The following ANO3 variants were observed in gnomAD, a reference collection of about 807,000 sequenced individuals.
ANO3 encodes the protein anoctamin 3.
Under a neutral mutation model 144.8 loss-of-function variants are expected in ANO3, and 99 were observed. The observed-to-expected ratio is 0.68, with a 90% confidence interval of 0.58 to 0.81. The LOEUF (loss-of-function observed/expected upper bound fraction) is 0.81, where lower values mean the gene tolerates loss of function less well. Ranked by LOEUF, ANO3 falls within the 30% of genes least tolerant of loss-of-function variation. ANO3 has a pLI of 0.00. For synonymous variants in ANO3, 414 were observed against 392.6 expected (o/e 1.05, Z -0.64); for missense variants, 905 against 1,202.2 (o/e 0.75, Z 3.66).
At chr11:26,613,830 G>A (rs1241306961) in intron 17 of ANO3, among the ~76,000 whole-genome samples, 1 of 152,220 alleles carries the variant, frequency 6.6e-6, no homozygotes. Context: ...TGGGGCTGGG[G>A]CAGCGGGCTG....
At chr11:26,278,925 T>A (rs1853617846) in intron 1 of ANO3, among the ~76,000 whole-genome samples, 1 of 152,126 alleles carries the variant, frequency 6.6e-6, no homozygotes, top group South Asian at 2.1e-4. Context: ...GATTCTTTTA[T>A]AATAGAAGTT....
chr11:26,625,992 C>T (rs2133014493), intron 18 of ANO3, among the ~76,000 whole-genome samples: 1 of 152,260 alleles, frequency 6.6e-6, no homozygotes, highest in Admixed American at 6.5e-5. Context: ...GTATGAAACC[C>T]TATGTTAGAA....
intron 1 of ANO3, among the ~76,000 whole-genome samples, chr11:26,387,597 C>G (rs1856769673): frequency 6.6e-6 from 1 of 152,012 alleles, no homozygotes; most frequent in Non-Finnish European, 1.5e-5. Context: ...CTTAGTTGCT[C>G]TATGTCCTGT....
intron 1 of ANO3, among the ~76,000 whole-genome samples, chr11:26,355,691 C>A (rs1307000442): frequency 6.6e-6 from 1 of 151,528 alleles, no homozygotes; most frequent in Non-Finnish European, 1.5e-5. Flanking sequence ...TCCCGAGTAG[C>A]TGGGATTACA....
intron 1 of ANO3, among the ~76,000 whole-genome samples, chr11:26,249,190 A>G (rs1359206342): frequency 6.6e-6 from 1 of 152,136 alleles, no homozygotes; most frequent in African/African-American, 2.4e-5. Context: ...GGGTATATGG[A>G]TATTGATTGC....
intron 3 of ANO3, among the ~76,000 whole-genome samples, chr11:26,461,277 T>C (rs965304744): frequency 6.6e-6 from 1 of 152,124 alleles, no homozygotes; most frequent in African/African-American, 2.4e-5. Context: ...TTTCAGTTTC[T>C]TTCACGCTTA....
intron 1 of ANO3, among the ~76,000 whole-genome samples, chr11:26,292,340 T>C (rs911066406): frequency 6.6e-6 from 1 of 152,192 alleles, no homozygotes; most frequent in African/African-American, 2.4e-5. Context: ...TTAGCTTCTT[T>C]GTAATGAGTT....
At chr11:26,422,463 T>G (rs1484434063) in intron 1 of ANO3, among the ~76,000 whole-genome samples, 1 of 152,066 alleles carries the variant, frequency 6.6e-6, no homozygotes, top group Admixed American at 6.6e-5. Flanking sequence ...CAAGTAAAGC[T>G]ATTATCTCAT....
chr11:26,643,450 A>G lies in ANO3; in HGVS notation c.2428+116A>G, dbSNP rs545816849. 71 of 1,306,818 alleles carry G rather than the reference A, an allele frequency of 5.4e-5. No individual in the cohort carries two copies. In the South Asian group the frequency reaches 8.9e-4, roughly 16 times the overall value. 81.0% of individuals were successfully genotyped at this position (1,306,818 alleles called of 1,614,324 possible). On this transcript the variant is annotated intron_variant, in intron 23 of 26. Coordinates refer to ENST00000256737, the MANE Select transcript of ANO3 (RefSeq NM_031418.4). ...TAATTGCCAGTGTCATAGTATTAAG[A>G]GGCCTTTAAGAAGTGATTAAGCTGG...
chr11:26,285,425 A>G (rs1388868944), intron 1 of ANO3, among the ~76,000 whole-genome samples: 1 of 152,196 alleles, frequency 6.6e-6, no homozygotes, highest in Non-Finnish European at 1.5e-5. Context: ...GTGCATTCTT[A>G]TTCTTATTTT....
At chr11:26,627,099 G>A (rs148031003) in intron 18 of ANO3, among the ~76,000 whole-genome samples, 4 of 150,938 alleles carry the variant, frequency 2.7e-5, no homozygotes, top group African/African-American at 7.3e-5. Flanking sequence ...TTATTCTCTC[G>A]GTTTCTTAAA....
chr11:26,658,237 G>C (rs547208097), intron 26 of ANO3, among the ~76,000 whole-genome samples: 3 of 152,038 alleles, frequency 2.0e-5, no homozygotes, highest in African/African-American at 7.2e-5. Flanking sequence ...TTTCCCCTTA[G>C]AGCACCATTT....
intron 1 of ANO3, among the ~76,000 whole-genome samples, chr11:26,274,015 C>T (rs901859920): frequency 6.6e-6 from 1 of 151,888 alleles, no homozygotes; most frequent in African/African-American, 2.4e-5. Context: ...ACTGTTGGGA[C>T]AGAAACCATC....
intron 17 of ANO3, among the ~76,000 whole-genome samples, chr11:26,621,746 G>A (rs1202526605): frequency 6.6e-6 from 1 of 152,056 alleles, no homozygotes; most frequent in Non-Finnish European, 1.5e-5. Context: ...ACTAACTGAT[G>A]CACTAGAAAT....
At position 26,442,053 on chromosome 11, in the gene ANO3, A is replaced by G. The variant is rs770936922; in HGVS notation, c.182A>G (p.Glu61Gly). Residue 61 changes from glutamate (E) to glycine (G), a missense_variant, in exon 2 of 27, where the codon GAG becomes GGG. Coordinates refer to ENST00000256737, the MANE Select transcript of ANO3 (RefSeq NM_031418.4). ...TCTACTTCCCTCTTCCAGTCAACCG[A>G]GAGTGAATCTCAGGCTCCCACATCT... ...SQSTSLFQST[E>G]SESQAPTSIT... is the part of the protein sequence containing the mutation. 6.2e-7 allele frequency: 1 copy of G among 1,614,200 alleles called. No individual in the cohort carries two copies. The highest frequency in any genetic ancestry group is 8.5e-7 in the Non-Finnish European group (1 of 1,180,038).
At chr11:26,651,406 A>G (rs1031205379) in intron 24 of ANO3, among the ~76,000 whole-genome samples, 1 of 152,162 alleles carries the variant, frequency 6.6e-6, no homozygotes, top group African/African-American at 2.4e-5. Flanking sequence ...ACATGAGACC[A>G]GATTTTCTAC....
intron 1 of ANO3, among the ~76,000 whole-genome samples, chr11:26,292,387 A>G (rs370298574): frequency 6.6e-6 from 1 of 152,096 alleles, no homozygotes; most frequent in African/African-American, 2.4e-5. Flanking sequence ...GTTTGTTATT[A>G]CCAATCTTCT....
chr11:26,303,689 A>G (rs775625875), intron 1 of ANO3, among the ~76,000 whole-genome samples: 11 of 152,154 alleles, frequency 7.2e-5, no homozygotes, highest in Non-Finnish European at 1.5e-4. Context: ...GTACCACTTG[A>G]ATCTAAAATA....
At chr11:26,595,472 T>G (rs200537274) in intron 14 of ANO3, among the ~76,000 whole-genome samples, 35,432 of 135,256 alleles carry the variant, frequency 0.26, 4,320 homozygotes, top group South Asian at 0.42. Context: ...TTTTTTTTTT[T>G]TTTTTTTTTT....
Sources: gnomAD v4.1 joint callset for allele counts (sites outside exome capture counted in the v4.1 genomes callset) on GRCh38, gnomAD v4.1.1 for gene constraint, MANE v1.5 for transcripts, NCBI Gene and HGNC (gene_info 2026-07-23, HGNC 2026-07-21) for gene names.